The following SLC6A17 variants were observed in gnomAD, a reference collection of about 807,000 sequenced individuals.
The protein encoded by SLC6A17 is solute carrier family 6 member 17.
A neutral mutation model predicts 64.5 loss-of-function variants in SLC6A17; 21 were observed. The observed-to-expected ratio is 0.33, with a 90% CI of 0.23 to 0.47. The LOEUF is 0.47. Ranked by LOEUF, SLC6A17 falls within the 20% of genes least tolerant of loss-of-function variation. The pLI is 1.00. For synonymous variants in SLC6A17, 372 were observed against 399.5 expected, an observed-to-expected ratio of 0.93 and a Z score of 0.82; for missense variants, 682 against 963.2, an observed-to-expected ratio of 0.71 and a Z score of 3.86.
At chr1:110,175,066 G>A in intron 5 of SLC6A17, 106 bp downstream of exon 5, 2 of 1,341,748 alleles carry the variant, frequency 1.5e-6, no homozygotes, top group African/African-American at 1.5e-5. Flanking sequence ...TCTTCTGGGT[G>A]GATAACACAG....
At chr1:110,157,229 A>G (rs772302723) in intron 1 of SLC6A17, among the ~76,000 whole-genome samples, 6 of 151,604 alleles carry the variant, frequency 4.0e-5, no homozygotes, top group Non-Finnish European at 7.4e-5. Flanking sequence ...TCGCTTACCT[A>G]CCCTCCCTGT....
rs770774523 is a variant in SLC6A17 at position 110,173,962 on chromosome 1, C to A, written c.445-11C>A. On this transcript the variant is annotated splice_polypyrimidine_tract_variant and intron_variant, in intron 3 of 11. Coordinates refer to ENST00000331565, the MANE Select transcript of SLC6A17 (RefSeq NM_001010898.4). ...GCAGCCTCAGTGACCCCGCAGTGGG[C>A]TTGTCCCCAGGTCTGTCTCTTTGTG... 6.8e-6 allele frequency: 11 copies of A among 1,612,626 alleles called. No individual in the cohort carries two copies. In the Admixed American group the frequency reaches 1.8e-4, roughly 27 times the overall value.
At chr1:110,177,514 A>C (rs1282456193) in intron 6 of SLC6A17, 2 of 152,272 alleles carry the variant, frequency 1.3e-5, no homozygotes, top group Non-Finnish European at 2.9e-5. Flanking sequence ...GCCTCAGTCC[A>C]TGGAGGACTA....
intron 6 of SLC6A17, among the ~76,000 whole-genome samples, chr1:110,188,916 CT>C (rs1656755228): frequency 6.6e-6 from 1 of 152,276 alleles, no homozygotes; most frequent in African/African-American, 2.4e-5. Context: ...CTGAAGCCCC[CT>C]GTGGCCTCCT....
At chr1:110,185,245 T>C (rs1656652687) in intron 6 of SLC6A17, among the ~76,000 whole-genome samples, 2 of 152,220 alleles carry the variant, frequency 1.3e-5, no homozygotes, top group Non-Finnish European at 2.9e-5. Context: ...GTCGGGAAAG[T>C]GCTTAGGACT....
At chr1:110,166,730 C>G (rs1656068442) in intron 1 of SLC6A17, 113 bp from the exon 2 acceptor site, 1 of 595,576 alleles carries the variant, frequency 1.7e-6, no homozygotes, top group Non-Finnish European at 2.8e-6. Context: ...ATATATGAGG[C>G]CCTTGACCTG....
chr1:110,173,952 C>A, intron 3 of SLC6A17, 21 bp from the exon 4 acceptor site: 2 of 1,611,862 alleles, frequency 1.2e-6, no homozygotes, highest in Non-Finnish European at 1.7e-6. Context: ...CTCAGTGACC[C>A]CGCAGTGGGC....
intron 2 of SLC6A17, 82 bp downstream of exon 2, chr1:110,167,297 A>T: frequency 6.7e-7 from 1 of 1,499,098 alleles, no homozygotes; most frequent in East Asian, 2.3e-5. Context: ...CCCTTTGCTG[A>T]GGCAGAACTG....
At chr1:110,182,194 T>C (rs1656547229) in intron 6 of SLC6A17, among the ~76,000 whole-genome samples, 1 of 151,870 alleles carries the variant, frequency 6.6e-6, no homozygotes, top group Non-Finnish European at 1.5e-5. Context: ...GTCAAAAGGG[T>C]TTGCTGTTGG....
intron 10 of SLC6A17, among the ~76,000 whole-genome samples, 184 bp downstream of exon 10, chr1:110,195,929 G>C (rs1656955695): frequency 6.6e-6 from 1 of 152,194 alleles, no homozygotes; most frequent in Non-Finnish European, 1.5e-5. Context: ...GAGAAACAGA[G>C]CCAGTCTGAG....
intron 1 of SLC6A17, 121 bp from the exon 2 acceptor site, chr1:110,166,722 A>G (rs1656068296): frequency 3.7e-6 from 2 of 541,874 alleles, no homozygotes; most frequent in African/African-American, 1.9e-5. Context: ...CAAGCTGCAT[A>G]TATGAGGCCC....
At chr1:110,183,903 CTG>C (rs1293327207) in intron 6 of SLC6A17, among the ~76,000 whole-genome samples, 2 of 152,040 alleles carry the variant, frequency 1.3e-5, no homozygotes, top group African/African-American at 4.8e-5. Context: ...TGTGAAGTAA[CTG>C]TGTAAGAGAT....
intron 6 of SLC6A17, among the ~76,000 whole-genome samples, chr1:110,190,841 G>C (rs572375832): frequency 2.0e-5 from 3 of 152,208 alleles, no homozygotes; most frequent in South Asian, 4.2e-4. Flanking sequence ...GGGGCCGGGG[G>C]CGGGGGCCTG....
Position 110,192,448 on chromosome 1 carries a change from A to T in SLC6A17, c.1107-58A>T, listed in dbSNP as rs1656852497. On this transcript the variant is annotated intron_variant, in intron 7 of 11. Transcript: ENST00000331565. This position sits in a 1 kb window ranked among gnomAD's most constrained non-coding sequence, Gnocchi z 4.3. ...TGGGTGCCTGGGAAGAGCCTCCAGG[A>T]TCTCACCCATTGCCCACCCCTGCCT... 6.4e-7 allele frequency: 1 copy of T among 1,554,864 alleles called. No homozygotes were observed. Among genetic ancestry groups the T allele is most frequent in the Non-Finnish European group, 8.7e-7 (1 of 1,146,340 alleles).
chr1:110,167,954 G>A (rs1332325230), intron 2 of SLC6A17, among the ~76,000 whole-genome samples: 2 of 152,124 alleles, frequency 1.3e-5, no homozygotes, highest in East Asian at 1.9e-4. Flanking sequence ...TATTGCTTCC[G>A]GGTAGGAGGG....
chr1:110,200,065 A>G lies in SLC6A17; in HGVS notation c.*1621A>G. The G allele has an allele frequency of 5.0e-6, 2 of 398,552 alleles. No individual in the cohort carries two copies. The highest frequency in any genetic ancestry group is 8.8e-6 in the Non-Finnish European group (2 of 226,050). The allele number at this position is 398,552 out of a possible 1,614,324, so 24.7% of individuals were successfully genotyped here. On this transcript the variant is annotated 3_prime_UTR_variant, in exon 12 of 12. Transcript: ENST00000331565. ...GGTGGGCAGGGCAGAAACAGGCCAC[A>G]GTGCTCAACCCGGACACCCTCACGA... is the stretch of plus-strand genomic sequence containing the variant.
At chr1:110,161,764 TCTC>T (rs902408384) in intron 1 of SLC6A17, among the ~76,000 whole-genome samples, 4 of 152,166 alleles carry the variant, frequency 2.6e-5, no homozygotes, top group South Asian at 2.1e-4. Context: ...CCTCTTCCCT[TCTC>T]CTCCTCCCCG....
intron 3 of SLC6A17, 166 bp downstream of exon 3, chr1:110,172,383 G>GC: frequency 1.2e-6 from 1 of 866,164 alleles, no homozygotes; most frequent in Non-Finnish European, 1.7e-6. Flanking sequence ...CAGGACCCCA[G>GC]TCACCATGTT....
intron 1 of SLC6A17, among the ~76,000 whole-genome samples, chr1:110,163,167 G>A (rs909996166): frequency 2.0e-5 from 3 of 152,010 alleles, no homozygotes; most frequent in African/African-American, 7.3e-5. Context: ...GTCCAAGCTG[G>A]TAGCTGCGGG....
Sources: gnomAD v4.1 joint callset for allele counts (sites outside exome capture counted in the v4.1 genomes callset) on GRCh38, gnomAD v4.1.1 for gene constraint, Gnocchi (gnomAD v3.1) non-coding constraint, MANE v1.5 for transcripts, NCBI Gene and HGNC (gene_info 2026-07-23, HGNC 2026-07-21) for gene names.